KDM4A: variants seen among roughly 807,000 people sequenced by gnomAD.
KDM4A encodes lysine demethylase 4A.
A neutral mutation model predicts 127.1 loss-of-function variants in KDM4A; 23 were observed. That is an observed-to-expected ratio of 0.18 (90% confidence interval 0.13 to 0.26). The LOEUF (loss-of-function observed/expected upper bound fraction) is 0.26. Ranked by LOEUF, KDM4A falls within the 10% of genes least tolerant of loss-of-function variation. KDM4A has a pLI of 1.00. For synonymous variants in KDM4A, 443 were observed against 466.5 expected (o/e 0.95, Z 0.65); for missense variants, 890 against 1,329.1 (o/e 0.67, Z 5.14).
Position 43,669,112 on chromosome 1 carries a change from C to A in KDM4A, c.1176C>A (p.His392Gln), listed in dbSNP as rs1382788697. The change falls in exon 10 of 22, where the codon CAC (histidine) becomes CAA (glutamine). Residue 392 changes from histidine (H) to glutamine (Q), a missense_variant. His to Gln is a conservative substitution (Grantham distance 24, BLOSUM62 0). Transcript: ENST00000372396. ...EGDLKTSLAK[H>Q]RIGTKRHRVC... ...CTCTCCCTTGCAGCCTGGCCAAGCA[C>A]CGAATAGGGACAAAGAGGCACCGAG... 2.5e-6 allele frequency: 4 copies of A among 1,614,034 alleles called. No homozygotes were observed. The African/African-American group carries it at 5.3e-5, about 22-fold the overall frequency.
chr1:43,656,851 G>A (rs376473378), intron 3 of KDM4A, among the ~76,000 whole-genome samples: 8 of 150,880 alleles, frequency 5.3e-5, no homozygotes, highest in South Asian at 2.1e-4. Flanking sequence ...TCAGCCTCCC[G>A]AGTAGCTGGG....
chr1:43,666,584 C>T, intron 7 of KDM4A, 29 bp downstream of exon 7: 1 of 1,547,626 alleles, frequency 6.5e-7, no homozygotes, highest in Non-Finnish European at 8.9e-7. Flanking sequence ...CCAAAGTTCT[C>T]AGGCACCACC....
Position 43,694,241 on chromosome 1 carries a change from G to A in KDM4A, c.2484+139G>A. The A allele has an allele frequency of 7.2e-6, 5 of 694,688 alleles. No homozygotes were observed. The highest frequency in any genetic ancestry group is 1.8e-5 in the African/African-American group (1 of 55,856). 43.0% of individuals were successfully genotyped at this position (694,688 alleles called of 1,614,324 possible). A position where few individuals can be genotyped will look rare whatever the true frequency, so the allele number is the denominator to read the frequency against. On this transcript the variant is annotated intron_variant, in intron 17 of 21. Transcript: ENST00000372396. The surrounding 1 kb of genome is among the most constrained non-coding windows in gnomAD (Gnocchi z 5.2). The stretch of plus-strand genomic sequence containing the variant: ...GGTTAGATTCCTTAGTGGAGGCCAG[G>A]TGTGGTGGCTCACACCTGTAATCCC...
chr1:43,660,114 G>A (rs1660337530), intron 3 of KDM4A, among the ~76,000 whole-genome samples, 184 bp from the exon 4 acceptor site: 1 of 152,176 alleles, frequency 6.6e-6, no homozygotes, highest in African/African-American at 2.4e-5. Flanking sequence ...GCTTCCTCAG[G>A]CCCAGTGCTC....
rs1437849441 is a variant in KDM4A, at chr1:43,683,803, T to C, written c.1854T>C (p.Asp618=). Residue 618 remains aspartate, a splice_region_variant and synonymous_variant, in exon 12 of 22, where the codon GAT becomes GAC. Coordinates refer to ENST00000372396, the MANE Select transcript of KDM4A (RefSeq NM_014663.3). ...TGCTGCAGGAGTGTGTCAGTGATGA[T>C]GGTAAGTGTTGTTTTTTCTTCACCA... ...PLVLQECVSD[D]ETSEQLTPEE... 5 of 1,613,602 alleles carry C rather than the reference T, an allele frequency of 3.1e-6. No homozygotes were observed. The highest frequency in any genetic ancestry group is 1.3e-5 in the African/African-American group (1 of 75,006).
At chr1:43,691,137 C>T in intron 14 of KDM4A, 88 bp downstream of exon 14, 1 of 1,334,750 alleles carries the variant, frequency 7.5e-7, no homozygotes, top group Non-Finnish European at 1.1e-6. Flanking sequence ...GCCTCCCAGC[C>T]CCAAAAAGAT....
At chr1:43,654,974 C>G (rs1660206376) in intron 2 of KDM4A, among the ~76,000 whole-genome samples, 1 of 152,098 alleles carries the variant, frequency 6.6e-6, no homozygotes, top group Non-Finnish European at 1.5e-5. Flanking sequence ...CATCAGCCCC[C>G]CAAATAGCCG....
chr1:43,653,225 T>C lies in KDM4A; in HGVS notation c.50T>C (p.Phe17Ser). ...TLNPSARIMT[F>S]YPTMEEFRNF... The stretch of plus-strand genomic sequence containing the variant: ...AATCCCAGTGCTAGGATAATGACCT[T>C]TTATCCAACTATGGAAGAGTTCCGA... The change falls in exon 2 of 22, where the codon TTT becomes TCT. Residue 17 changes from phenylalanine to serine, a missense_variant. Phe to Ser is a radical substitution (Grantham distance 155). Around this residue, in one of 7 missense-constraint regions of KDM4A, gnomAD observed 35 missense variants for 27.7 expected, o/e 1.26. Transcript: ENST00000372396. 2 of 1,613,678 alleles carry C rather than the reference T, an allele frequency of 1.2e-6. No homozygotes were observed. The highest frequency in any genetic ancestry group is 1.7e-6 in the Non-Finnish European group (2 of 1,179,620).
chr1:43,698,964 T>C (rs1661312534), intron 19 of KDM4A, among the ~76,000 whole-genome samples: 3 of 152,156 alleles, frequency 2.0e-5, no homozygotes, highest in Admixed American at 2.0e-4. Context: ...AATTTTTTAA[T>C]TTTTTGTAGA....
chr1:43,666,904 T>C, intron 7 of KDM4A, 50 bp from the exon 8 acceptor site: 1 of 1,592,540 alleles, frequency 6.3e-7, no homozygotes, highest in African/African-American at 1.3e-5. Flanking sequence ...ATTCCAGTTC[T>C]GTGGACTTCT....
At chr1:43,670,880 A>T (rs1660603468) in intron 10 of KDM4A, among the ~76,000 whole-genome samples, 1 of 151,512 alleles carries the variant, frequency 6.6e-6, no homozygotes, top group Non-Finnish European at 1.5e-5. Flanking sequence ...CTAATTTTTA[A>T]ATTCTGTAGA....
chr1:43,665,783 T>G lies in KDM4A; in HGVS notation c.673+38T>G, dbSNP rs764332320. On this transcript the variant is annotated intron_variant, in intron 6 of 21. Transcript: ENST00000372396. ...TTCTGTTTGCTGGATTGGACCCTCC[T>G]ATGAGCTGTGCTCCTTGCTCTGCAC... The G allele has an allele frequency of 1.9e-6, 3 of 1,606,962 alleles. No individual in the cohort carries two copies. The East Asian group carries it at 6.7e-5, about 36-fold the overall frequency.
At chr1:43,696,758 T>C (rs1480715413) in intron 18 of KDM4A, among the ~76,000 whole-genome samples, 1 of 152,208 alleles carries the variant, frequency 6.6e-6, no homozygotes, top group African/African-American at 2.4e-5. Flanking sequence ...CTCCACATGC[T>C]TAAGCTGGCA....
At chr1:43,653,372 T>G in intron 2 of KDM4A, 59 bp downstream of exon 2, 1 of 1,495,534 alleles carries the variant, frequency 6.7e-7, no homozygotes, top group South Asian at 1.3e-5. Context: ...GTAAGATTTT[T>G]TTCCTACATT....
intron 3 of KDM4A, among the ~76,000 whole-genome samples, chr1:43,657,919 A>G (rs557933494): frequency 2.0e-5 from 3 of 149,890 alleles, no homozygotes; most frequent in Non-Finnish European, 4.4e-5. Context: ...ATTTTTTTGT[A>G]TTTTTAGTAG....
At chr1:43,689,874 A>C (rs1661069510) in intron 13 of KDM4A, among the ~76,000 whole-genome samples, 1 of 152,252 alleles carries the variant, frequency 6.6e-6, no homozygotes, top group Non-Finnish European at 1.5e-5. Context: ...ACTTTGGATT[A>C]GGAACTCACT....
rs747734916 is a variant in KDM4A at position 43,666,432 on chromosome 1, G to A, written c.674-20G>A. On this transcript the variant is annotated intron_variant, in intron 6 of 21. Coordinates refer to ENST00000372396, the MANE Select transcript of KDM4A (RefSeq NM_014663.3). ...CTAGTGTGGAGCACTGTGTTAACCT[G>A]TACCCTTTCAATTAAATAGGCTTTT... is the stretch of plus-strand genomic sequence containing the variant. 1.2e-6 allele frequency: 2 copies of A among 1,603,316 alleles called. No individual in the cohort carries two copies. Among genetic ancestry groups the A allele is most frequent in the Non-Finnish European group, 1.7e-6 (2 of 1,170,224 alleles).
chr1:43,678,021 T>G (rs1357300710), intron 11 of KDM4A, among the ~76,000 whole-genome samples: 1 of 152,022 alleles, frequency 6.6e-6, no homozygotes, highest in Non-Finnish European at 1.5e-5. Context: ...ACTGGGTGAC[T>G]GGATGGGGGT....
intron 9 of KDM4A, among the ~76,000 whole-genome samples, chr1:43,668,400 C>G (rs1660547534): frequency 1.3e-5 from 2 of 152,156 alleles, no homozygotes; most frequent in Non-Finnish European, 2.9e-5. Flanking sequence ...GCTGGGATTA[C>G]AGGTGTGAGC....
Sources: allele counts gnomAD v4.1 joint callset (sites outside exome capture counted in the v4.1 genomes callset), GRCh38; gene constraint gnomAD v4.1.1; regional missense constraint gnomAD v4.1.1; non-coding constraint Gnocchi (gnomAD v3.1); transcripts MANE v1.5; gene names NCBI Gene and HGNC (gene_info 2026-07-23, HGNC 2026-07-21).